The following MAX variants were observed in gnomAD, a reference collection of about 807,000 sequenced individuals.
The protein encoded by MAX is protein max.
Under a neutral mutation model 22.3 loss-of-function variants are expected in MAX, and 3 were observed. That is an observed-to-expected ratio of 0.13 (90% CI 0.06 to 0.35). The LOEUF is 0.35. MAX is among the 10% of genes least tolerant of loss of function. The probability of loss-of-function intolerance (pLI) is 1.00; values close to 1 mark genes in which losing one functional copy is unlikely to be tolerated. For missense variants in MAX, 119 were observed against 209.4 expected, an observed-to-expected ratio of 0.57 and a Z score of 2.66; for synonymous variants, 72 against 77.7, an observed-to-expected ratio of 0.93 and a Z score of 0.39.
At position 65,014,826 on chromosome 14, in the gene MAX, G is replaced by A. The variant is rs56197624; in HGVS notation, c.172-8542C>T. On this transcript the variant is annotated intron_variant, in intron 3 of 3. Coordinates refer to the MAX transcript ENST00000341653. This position sits in a 1 kb window ranked among gnomAD's most constrained non-coding sequence, Gnocchi z 5.1. ...GAGACCCTGTCTCAAAAAAATAAAC[G>A]GTAGAAACCAAATTTTATTATCATC... is the stretch of plus-strand genomic sequence containing the variant. 0.12 allele frequency among the ~76,000 whole-genome samples: 18,112 copies of A among 151,938 alleles called. 1,230 individuals are homozygous for A. Among genetic ancestry groups the A allele is most frequent in the Admixed American group, 0.18 (2,792 of 15,240 alleles).
chr14:65,100,732 G>A (rs1289884293), intron 2 of MAX, among the ~76,000 whole-genome samples: 1 of 152,086 alleles, frequency 6.6e-6, no homozygotes, highest in East Asian at 1.9e-4. Flanking sequence ...GATTTATTCT[G>A]TGTGTATTCT....
chr14:65,045,621 G>T (rs1452893015), intron 3 of MAX, among the ~76,000 whole-genome samples: 1 of 152,128 alleles, frequency 6.6e-6, no homozygotes, highest in Admixed American at 6.5e-5. Context: ...TCACCATGTT[G>T]GACAGGCTGT....
rs368174264 is a variant in MAX, at chr14:65,069,377, C to T, written c.171+24331G>A. Among the ~76,000 whole-genome samples, 122 of 152,334 alleles carry T rather than the reference C, an allele frequency of 8.0e-4. No individual in the cohort carries two copies. The highest frequency in any genetic ancestry group is 2.8e-3 in the African/African-American group (115 of 41,582). On this transcript the variant is annotated intron_variant, in intron 3 of 3. Coordinates refer to the MAX transcript ENST00000341653. The surrounding 1 kb of genome is among the most constrained non-coding windows in gnomAD (Gnocchi z 4.6). ...TGGTGGCCCTGCCCCTCCCATAGTG[C>T]CAAACCGCTCTCACTGAGGGCCCAT...
chr14:65,019,087 C>T lies in MAX; in HGVS notation c.172-12803G>A, dbSNP rs187449051. On this transcript the variant is annotated intron_variant, in intron 3 of 3. Transcript: ENST00000341653. ...ACTCAGGAGGCTGAGGCAGGAGACT[C>T]GCTTGAACCCGGGAGGCGGAGGTTG... is the stretch of plus-strand genomic sequence containing the variant. 3.2e-3 allele frequency among the ~76,000 whole-genome samples: 494 copies of T among 152,206 alleles called. 2 individuals carry two copies. The highest frequency in any genetic ancestry group is 0.011 in the African/African-American group (458 of 41,524).
intron 3 of MAX, among the ~76,000 whole-genome samples, chr14:65,058,261 T>A (rs1052845016): frequency 1.4e-5 from 2 of 148,070 alleles, no homozygotes; most frequent in African/African-American, 5.3e-5. Context: ...CTAGCATTTT[T>A]TTTTTTTCGG....
At chr14:65,036,126 G>C (rs1481903789) in intron 3 of MAX, among the ~76,000 whole-genome samples, 3 of 151,526 alleles carry the variant, frequency 2.0e-5, no homozygotes, top group Non-Finnish European at 4.4e-5. Context: ...AGCCACGATG[G>C]CCAGCCTGCC....
chr14:65,065,771 AC>A (rs2062925417), intron 3 of MAX, among the ~76,000 whole-genome samples: 1 of 152,140 alleles, frequency 6.6e-6, no homozygotes, highest in South Asian at 2.1e-4. Context: ...AAAAGTGCTG[AC>A]CACTCTTGCC....
chr14:65,096,843 C>G (rs1287882892), intron 2 of MAX, among the ~76,000 whole-genome samples: 2 of 152,158 alleles, frequency 1.3e-5, no homozygotes, highest in Non-Finnish European at 2.9e-5. Context: ...AGGCCCTATT[C>G]TAGGAGACCA....
At chr14:65,006,867 T>G (rs1194295265) in intron 3 of MAX, among the ~76,000 whole-genome samples, 1 of 152,146 alleles carries the variant, frequency 6.6e-6, no homozygotes, top group Non-Finnish European at 1.5e-5. Flanking sequence ...GAAGCAGTTG[T>G]TTTTTGAGAG....
At chr14:65,024,052 A>AGATCG (rs886297467) in intron 3 of MAX, among the ~76,000 whole-genome samples, 6 of 151,468 alleles carry the variant, frequency 4.0e-5, no homozygotes, top group Middle Eastern at 3.4e-3. Context: ...CAGTGAGCTG[A>AGATCG]GATCGCTCAA....
At chr14:65,037,429 T>C (rs1231090706) in intron 3 of MAX, among the ~76,000 whole-genome samples, 15 of 118,124 alleles carry the variant, frequency 1.3e-4, no homozygotes, top group Non-Finnish European at 1.7e-4. Flanking sequence ...TTTTTTTTTT[T>C]TTTTTTTTTT....
At chr14:65,021,473 G>A (rs1443973492) in intron 3 of MAX, among the ~76,000 whole-genome samples, 1 of 151,974 alleles carries the variant, frequency 6.6e-6, no homozygotes, top group Non-Finnish European at 1.5e-5. Flanking sequence ...TTACCTTTCA[G>A]TGAGGACACC....
At chr14:65,061,206 T>C (rs2062859301) in intron 3 of MAX, 6 of 1,614,038 alleles carry the variant, frequency 3.7e-6, no homozygotes, top group African/African-American at 2.7e-5. Flanking sequence ...GTGTACAACA[T>C]TGGACCAGAC....
chr14:65,070,534 G>A (rs539710701), downstream of MAX, among the ~76,000 whole-genome samples: 17 of 152,302 alleles, frequency 1.1e-4, no homozygotes, highest in South Asian at 1.7e-3. The surrounding 1 kb of genome is among the most constrained non-coding windows in gnomAD (Gnocchi z 4.4). Flanking sequence ...AGCACAGGGC[G>A]CAGGAGGGGA....
chr14:65,051,719 C>T (rs1013928734), intron 3 of MAX, among the ~76,000 whole-genome samples: 19 of 151,790 alleles, frequency 1.3e-4, no homozygotes, highest in Admixed American at 6.6e-4. Flanking sequence ...TCTTTTCCCC[C>T]GTTTTTCTTT....
At position 65,037,403 on chromosome 14, in the gene MAX, C is replaced by CTTTTTTTTTTTT. The variant is rs1555335876; in HGVS notation, c.172-31131_172-31120dup. Among the ~76,000 whole-genome samples, 88 of 29,682 alleles carry CTTTTTTTTTTTT rather than the reference C, an allele frequency of 3.0e-3. 14 individuals are homozygous for CTTTTTTTTTTTT. The highest frequency in any genetic ancestry group is 5.1e-3 in the Admixed American group (12 of 2,374). The allele number at this position is 29,682 out of a possible 152,430, so 19.5% of individuals were successfully genotyped here. On this transcript the variant is annotated intron_variant, in intron 3 of 3. Coordinates refer to the MAX transcript ENST00000341653. ...TAGGCGTGAGCCACCACGCCGGGCC[C>CTTTTTTTTTTTT]TTTTTTTTTTTTTTTTTTTTTTTTT...
intron 3 of MAX, among the ~76,000 whole-genome samples, chr14:65,036,488 C>G (rs1336809470): frequency 6.6e-6 from 1 of 152,174 alleles, no homozygotes; most frequent in Non-Finnish European, 1.5e-5. Flanking sequence ...CCGCCTGCCT[C>G]AGCCTCCCAA....
intron 3 of MAX, among the ~76,000 whole-genome samples, chr14:65,037,737 ATTTATTATTTATTTAT>A (rs2062236939): frequency 5.4e-5 from 4 of 74,412 alleles, no homozygotes; most frequent in African/African-American, 2.1e-4. Context: ...TTATTTATTT[ATTTATTATTTATTTAT>A]TTATTTATTT....
At chr14:65,083,560 G>C (rs1392736874) in intron 3 of MAX, among the ~76,000 whole-genome samples, 1 of 152,132 alleles carries the variant, frequency 6.6e-6, no homozygotes, top group Non-Finnish European at 1.5e-5. Context: ...TTAACATTAG[G>C]AACACCACTG....
Sources: gnomAD v4.1 joint callset for allele counts (sites outside exome capture counted in the v4.1 genomes callset) on GRCh38, gnomAD v4.1.1 for gene constraint, Gnocchi (gnomAD v3.1) non-coding constraint, MANE v1.5 for transcripts, NCBI Gene and HGNC (gene_info 2026-07-23, HGNC 2026-07-21) for gene names.